C17orf107: variants seen among roughly 807,000 people sequenced by gnomAD.
The protein encoded by C17orf107 is uncharacterized protein C17orf107.
In C17orf107, 9 loss-of-function variants were observed where a neutral mutation model predicts 8.9. That is an observed-to-expected ratio of 1.02 (90% confidence interval 0.61 to 1.77). The LOEUF (loss-of-function observed/expected upper bound fraction) is 1.77. Ranked by LOEUF, C17orf107 falls within the 40% of genes most tolerant of loss-of-function variation. The probability of loss-of-function intolerance (pLI) is 0.00; values close to 1 mark genes in which losing one functional copy is unlikely to be tolerated. For synonymous variants in C17orf107, 139 were observed against 120.3 expected, an observed-to-expected ratio of 1.16 and a Z score of -1.02; for missense variants, 281 against 249.0, an observed-to-expected ratio of 1.13 and a Z score of -0.86.
At position 4,900,457 on chromosome 17, in the gene C17orf107, T is replaced by A. The variant is rs1490220376; in HGVS notation, c.497T>A (p.Phe166Tyr). The change falls in exon 3 of 3, where the codon TTC becomes TAC. Residue 166 changes from phenylalanine to tyrosine, a missense_variant. Transcript: ENST00000381365. The part of the protein sequence containing the change: ...CGRGLQGSAS[F>Y]LRQSQQQLGL... ...CGGGGTCTGCAGGGGTCTGCCTCAT[T>A]CCTGCGACAGTCGCAACAGCAGCTA... The A allele has an allele frequency of 1.3e-6, 2 of 1,551,016 alleles. No homozygotes were observed. Among genetic ancestry groups the A allele is most frequent in the Admixed American group, 2.0e-5 (1 of 51,002 alleles).
At chr17:4,903,657 A>AC (rs1347336924), downstream of C17orf107, among the ~76,000 whole-genome samples, 2 of 151,858 alleles carry the variant, frequency 1.3e-5, no homozygotes, top group Non-Finnish European at 2.9e-5. Context: ...TAAAGGACCC[A>AC]CCTCCTTCCA....
At position 4,901,910 on chromosome 17, in the gene C17orf107, G is replaced by T. The variant is rs374484827; in HGVS notation, c.*1377G>T. The T allele has an allele frequency of 1.2e-6, 2 of 1,611,258 alleles. No homozygotes were observed. The highest frequency in any genetic ancestry group is 1.4e-5 in the African/African-American group (1 of 73,930). Reference sequence around the variant, plus strand: ...CCCCCCCCCAACAATAATCGTCCGGGCCTCGGAGTAGCTCTTCCCACCGGA... The same window carrying T: ...CCCCCCCCCAACAATAATCGTCCGGTCCTCGGAGTAGCTCTTCCCACCGGA... On this transcript the variant is annotated 3_prime_UTR_variant, in exon 3 of 3. Coordinates refer to ENST00000381365, the MANE Select transcript of C17orf107 (RefSeq NM_001145536.2).
chr17:4,900,381 G>A lies in C17orf107; in HGVS notation c.421G>A (p.Gly141Ser). 6.5e-7 allele frequency: 1 copy of A among 1,549,846 alleles called. No homozygotes were observed. Among genetic ancestry groups the A allele is most frequent in the Non-Finnish European group, 8.7e-7 (1 of 1,146,666 alleles). The change falls in exon 3 of 3, where the codon GGC (glycine) becomes AGC (serine). Residue 141 changes from glycine to serine, a missense_variant. Gly to Ser is a moderately conservative substitution (Grantham distance 56, BLOSUM62 0). Transcript: ENST00000381365. Reference sequence around the variant, plus strand: ...GGTTCGGCAAGCTGGGGCTGCGGTGGGCGCCAGCGCCCGGCTCCTAGTCCA... The same window carrying A: ...GGTTCGGCAAGCTGGGGCTGCGGTGAGCGCCAGCGCCCGGCTCCTAGTCCA... ...QGVRQAGAAVGASARLLVQGA... is the reference protein window; with the variant it reads ...QGVRQAGAAVSASARLLVQGA...
Position 4,900,083 on chromosome 17 carries a change from C to A in C17orf107, c.214C>A (p.Leu72Met). The change falls in exon 2 of 3, where the codon CTG becomes ATG. Residue 72 changes from leucine to methionine, a missense_variant. Leu to Met is a conservative substitution (Grantham distance 15). Coordinates refer to ENST00000381365, the MANE Select transcript of C17orf107 (RefSeq NM_001145536.2). The part of the protein sequence containing the change: ...QGMLPAPKPT[L>M]GLVLREATAS... ...GATGCTGCCTGCCCCGAAGCCCACC[C>A]TGGGGCTGGTGTTGAGAGAAGCCAC... The A allele has an allele frequency of 6.4e-7, 1 of 1,550,982 alleles. No homozygotes were observed.
Position 4,901,990 on chromosome 17 carries a change from A to T in C17orf107, c.*1457A>T, listed in dbSNP as rs1597621396. 1.9e-6 allele frequency: 3 copies of T among 1,613,692 alleles called. No homozygotes were observed. Among genetic ancestry groups the T allele is most frequent in the Non-Finnish European group, 2.5e-6 (3 of 1,179,818 alleles). On this transcript the variant is annotated 3_prime_UTR_variant, in exon 3 of 3. Coordinates refer to ENST00000381365, the MANE Select transcript of C17orf107 (RefSeq NM_001145536.2). ...GGGAAGTAGGTGACCTCCACTGCGCAGACGCTGCGGTAGATGGCCGGAGGC... is the reference window on the plus strand; with the variant it reads ...GGGAAGTAGGTGACCTCCACTGCGCTGACGCTGCGGTAGATGGCCGGAGGC...
At position 4,901,448 on chromosome 17, in the gene C17orf107, G is replaced by A. The variant is rs1969981649; in HGVS notation, c.*915G>A. 1 of 1,382,766 alleles carries A rather than the reference G, an allele frequency of 7.2e-7. No homozygotes were observed. 85.7% of individuals were successfully genotyped at this position (1,382,766 alleles called of 1,614,324 possible). The stretch of plus-strand genomic sequence containing the variant: ...AGTCATCCTCCAGTGTCGTTGGTCC[G>A]GGGCAAGCCCACCGTGGAAGTCCCC... On this transcript the variant is annotated 3_prime_UTR_variant, in exon 3 of 3. Coordinates refer to ENST00000381365, the MANE Select transcript of C17orf107 (RefSeq NM_001145536.2).
rs756213541 is a variant in C17orf107 at position 4,902,098 on chromosome 17, G to A, written c.*1565G>A. 2.5e-5 allele frequency: 41 copies of A among 1,613,798 alleles called. 1 individual carries two copies. Among genetic ancestry groups the A allele is most frequent in the African/African-American group, 2.3e-4 (17 of 74,906 alleles). ...AACTGGCCATCAATACTGTGGGCTC[G>A]GGGAAACCGAGCTTTTTGCACAGGT... On this transcript the variant is annotated 3_prime_UTR_variant, in exon 3 of 3. Transcript: ENST00000381365. This position sits in a 1 kb window ranked among gnomAD's most constrained non-coding sequence, Gnocchi z 4.0.
At chr17:4,903,097 C>G (rs773622057), downstream of C17orf107, 33 of 1,613,458 alleles carry the variant, frequency 2.0e-5, no homozygotes, top group Non-Finnish European at 2.6e-5. Flanking sequence ...ATTCTGAGCT[C>G]TGGCAGGCTT....
Position 4,899,609 on chromosome 17 carries a change from A to G in C17orf107, c.-154A>G, listed in dbSNP as rs547875473. 7.2e-6 allele frequency: 11 copies of G among 1,517,910 alleles called. No homozygotes were observed. The African/African-American group carries it at 1.5e-4, about 21-fold the overall frequency. The allele number at this position is 1,517,910 out of a possible 1,614,324, so 94.0% of individuals were successfully genotyped here. On this transcript the variant is annotated 5_prime_UTR_variant, in exon 1 of 3. Coordinates refer to ENST00000381365, the MANE Select transcript of C17orf107 (RefSeq NM_001145536.2). ...TGAGGAGCCCGGAAGGCATGACATC[A>G]CCGTTCCTCCTCCCAGCTACCGAAG... is the stretch of plus-strand genomic sequence containing the variant.
Position 4,901,885 on chromosome 17 carries a change from C to CCG in C17orf107, c.*1353_*1354insGC. 1.0e-6 allele frequency: 1 copy of CCG among 980,006 alleles called. No individual in the cohort carries two copies. The highest frequency in any genetic ancestry group is 2.0e-5 in the Admixed American group (1 of 51,118). 60.7% of individuals were successfully genotyped at this position (980,006 alleles called of 1,614,324 possible). A position where few individuals can be genotyped will look rare whatever the true frequency, so the allele number is the denominator to read the frequency against. Reference sequence around the variant, plus strand: ...TCCCGGTTGGCCCCGCCCCATAAGGCCCCCCCCCAACAATAATCGTCCGGG... The same window carrying CCG: ...TCCCGGTTGGCCCCGCCCCATAAGGCCGCCCCCCCCAACAATAATCGTCCGGG... On this transcript the variant is annotated 3_prime_UTR_variant, in exon 3 of 3. Coordinates refer to ENST00000381365, the MANE Select transcript of C17orf107 (RefSeq NM_001145536.2).
rs774104899 is a variant in C17orf107 at position 4,902,348 on chromosome 17, G to GC, written c.*1817dup. ...AATCCTAAGGGGTGGGGGATGGAAG[G>GC]CCGCGTGCCCTGCATCTCCCACCTG... On this transcript the variant is annotated 3_prime_UTR_variant, in exon 3 of 3. Transcript: ENST00000381365. This position sits in a 1 kb window ranked among gnomAD's most constrained non-coding sequence, Gnocchi z 4.0. The GC allele has an allele frequency of 6.2e-7, 1 of 1,613,848 alleles. No individual in the cohort carries two copies. The highest frequency in any genetic ancestry group is 8.5e-7 in the Non-Finnish European group (1 of 1,179,714).
chr17:4,900,397 T>C lies in C17orf107; in HGVS notation c.437T>C (p.Leu146Pro), dbSNP rs2151096615. Residue 146 changes from leucine (L) to proline (P), a missense_variant, in exon 3 of 3, where the codon CTC becomes CCC. By Grantham distance (98) the Leu-to-Pro change is moderately conservative. Transcript: ENST00000381365. ...AGAAVGASARLLVQGAWLCLC... is the reference protein window; with the variant it reads ...AGAAVGASARPLVQGAWLCLC... ...GCTGCGGTGGGCGCCAGCGCCCGGC[T>C]CCTAGTCCAGGGAGCATGGCTATGC... is the stretch of plus-strand genomic sequence containing the variant. The C allele has an allele frequency of 6.4e-7, 1 of 1,550,396 alleles. No homozygotes were observed. Among genetic ancestry groups the C allele is most frequent in the Non-Finnish European group, 8.7e-7 (1 of 1,146,784 alleles).
At chr17:4,904,703 A>C (rs1314387690), downstream of C17orf107, among the ~76,000 whole-genome samples, 2 of 152,160 alleles carry the variant, frequency 1.3e-5, no homozygotes, top group African/African-American at 4.8e-5. Context: ...GATCTCGCAC[A>C]CCTGTGTTTA....
chr17:4,901,462 G>C lies in C17orf107; in HGVS notation c.*929G>C, dbSNP rs2151097667. 6.7e-7 allele frequency: 1 copy of C among 1,492,776 alleles called. No homozygotes were observed. The allele number at this position is 1,492,776 out of a possible 1,614,324, so 92.5% of individuals were successfully genotyped here. A position where few individuals can be genotyped will look rare whatever the true frequency, so the allele number is the denominator to read the frequency against. On this transcript the variant is annotated 3_prime_UTR_variant, in exon 3 of 3. Transcript: ENST00000381365. ...GTCGTTGGTCCGGGGCAAGCCCACC[G>C]TGGAAGTCCCCTCTCTGGACCCCGT...
chr17:4,906,638 A>T (rs1312113461), downstream of C17orf107, among the ~76,000 whole-genome samples: 1 of 152,126 alleles, frequency 6.6e-6, no homozygotes, highest in African/African-American at 2.4e-5. Context: ...GAATTGCTTG[A>T]GCCTGGGAGT....
downstream of C17orf107, among the ~76,000 whole-genome samples, chr17:4,905,065 A>G (rs1160464037): frequency 6.6e-6 from 1 of 152,258 alleles, no homozygotes; most frequent in African/African-American, 2.4e-5. Context: ...TTCAAACATC[A>G]GTGGACACCT....
chr17:4,899,703 C>A lies in C17orf107; in HGVS notation c.-60C>A. The A allele has an allele frequency of 6.7e-7, 1 of 1,492,528 alleles. No homozygotes were observed. 92.5% of individuals were successfully genotyped at this position (1,492,528 alleles called of 1,614,324 possible). A position where few individuals can be genotyped will look rare whatever the true frequency, so the allele number is the denominator to read the frequency against. ...GCTGGTTACGCCCTCCAGCTGCGCC[C>A]CCTACACGACGACAGACGCGTCCCC... On this transcript the variant is annotated 5_prime_UTR_variant, in exon 1 of 3. Transcript: ENST00000381365.
At position 4,901,392 on chromosome 17, in the gene C17orf107, A is replaced by G. The variant is rs1028884662; in HGVS notation, c.*859A>G. 10 of 977,694 alleles carry G rather than the reference A, an allele frequency of 1.0e-5. No homozygotes were observed. The highest frequency in any genetic ancestry group is 1.6e-5 in the Non-Finnish European group (10 of 621,110). The allele number at this position is 977,694 out of a possible 1,614,324, so 60.6% of individuals were successfully genotyped here. A position where few individuals can be genotyped will look rare whatever the true frequency, so the allele number is the denominator to read the frequency against. On this transcript the variant is annotated 3_prime_UTR_variant, in exon 3 of 3. Coordinates refer to ENST00000381365, the MANE Select transcript of C17orf107 (RefSeq NM_001145536.2). ...TAGAGTAACAATCGAGAATGATTTC[A>G]GGACAGGGGTAAGCTAAACCCAGTT... is the stretch of plus-strand genomic sequence containing the variant.
chr17:4,902,786 G>T lies in C17orf107; in HGVS notation c.*2253G>T. The T allele has an allele frequency of 9.3e-6, 15 of 1,614,040 alleles. No homozygotes were observed. The highest frequency in any genetic ancestry group is 1.3e-5 in the Non-Finnish European group (15 of 1,180,028). ...TGCCTGCGATGGGGTCAAGAAGGAA[G>T]GGTCATTGGCAATGAAGAGGCTGGA... is the stretch of plus-strand genomic sequence containing the variant. On this transcript the variant is annotated 3_prime_UTR_variant, in exon 3 of 3. Transcript: ENST00000381365. This position sits in a 1 kb window ranked among gnomAD's most constrained non-coding sequence, Gnocchi z 4.0.
Sources: gnomAD v4.1 joint callset for allele counts (sites outside exome capture counted in the v4.1 genomes callset) on GRCh38, gnomAD v4.1.1 for gene constraint, Gnocchi (gnomAD v3.1) non-coding constraint, MANE v1.5 for transcripts, NCBI Gene and HGNC (gene_info 2026-07-23, HGNC 2026-07-21) for gene names.